Variants in AGBL4 observed in about 807,000 individuals in gnomAD.
AGBL4 encodes cytosolic carboxypeptidase 6.
A neutral mutation model predicts 66.4 loss-of-function variants in AGBL4; 58 were observed. The observed-to-expected ratio is 0.87, with a 90% confidence interval of 0.71 to 1.09. The LOEUF (loss-of-function observed/expected upper bound fraction) is 1.09. AGBL4 is among the 50% of genes least tolerant of loss of function. The probability of loss-of-function intolerance (pLI) is 0.00; values close to 1 mark genes in which losing one functional copy is unlikely to be tolerated. For synonymous variants in AGBL4, 234 were observed against 222.9 expected, an observed-to-expected ratio of 1.05 and a Z score of -0.44; for missense variants, 579 against 631.0, an observed-to-expected ratio of 0.92 and a Z score of 0.88.
intron 5 of AGBL4, among the ~76,000 whole-genome samples, chr1:49,007,764 A>G (rs1031539009): frequency 3.7e-4 from 56 of 151,948 alleles, no homozygotes; most frequent in African/African-American, 1.3e-3. Flanking sequence ...AGAATTTCAT[A>G]TCCAGCCAAA....
chr1:49,825,371 T>A (rs1645482952), intron 2 of AGBL4, among the ~76,000 whole-genome samples: 1 of 152,210 alleles, frequency 6.6e-6, no homozygotes, highest in African/African-American at 2.4e-5. Context: ...ATTTACCAAG[T>A]GCCTACTATG....
intron 3 of AGBL4, among the ~76,000 whole-genome samples, chr1:49,619,704 T>C (rs1412714874): frequency 6.6e-6 from 1 of 152,072 alleles, no homozygotes; most frequent in Non-Finnish European, 1.5e-5. Context: ...GGCATCACAC[T>C]ACCTGACTTC....
chr1:48,797,453 T>A (rs891961041), intron 6 of AGBL4, among the ~76,000 whole-genome samples: 1 of 152,202 alleles, frequency 6.6e-6, no homozygotes, highest in African/African-American at 2.4e-5. Context: ...CTCCCACTTA[T>A]AAGTGAGAAC....
At chr1:49,061,420 A>G (rs1293784818) in intron 4 of AGBL4, among the ~76,000 whole-genome samples, 1 of 152,112 alleles carries the variant, frequency 6.6e-6, no homozygotes, top group African/African-American at 2.4e-5. Context: ...CCATGTGAAA[A>G]GTTATAATAA....
chr1:49,207,505 CTTTT>C (rs1188964439), intron 4 of AGBL4, among the ~76,000 whole-genome samples: 4 of 144,890 alleles, frequency 2.8e-5, no homozygotes, highest in Admixed American at 1.4e-4. Context: ...TTCTTTCTTT[CTTTT>C]TCTTTCTTTC....
intron 3 of AGBL4, among the ~76,000 whole-genome samples, chr1:49,345,724 TG>T (rs1424426259): frequency 6.6e-6 from 1 of 152,212 alleles, no homozygotes; most frequent in Non-Finnish European, 1.5e-5. Context: ...AAACAAAATT[TG>T]GGGCATATTT....
chr1:49,160,502 G>A (rs1375457725), intron 4 of AGBL4, among the ~76,000 whole-genome samples: 1 of 152,156 alleles, frequency 6.6e-6, no homozygotes, highest in Non-Finnish European at 1.5e-5. Context: ...ACTGGGAGGT[G>A]TCTCCCAGTC....
intron 2 of AGBL4, among the ~76,000 whole-genome samples, chr1:49,816,394 T>C (rs1475988521): frequency 6.6e-6 from 1 of 152,174 alleles, no homozygotes; most frequent in Admixed American, 6.6e-5. Flanking sequence ...AAGGTCTAGG[T>C]AATGGGCATA....
At chr1:49,220,617 G>T (rs1056047589) in intron 4 of AGBL4, among the ~76,000 whole-genome samples, 1 of 152,104 alleles carries the variant, frequency 6.6e-6, no homozygotes, top group Non-Finnish European at 1.5e-5. Context: ...TCAGAAGAGA[G>T]TCAACTACTC....
intron 2 of AGBL4, among the ~76,000 whole-genome samples, chr1:49,775,610 C>T (rs1213486176): frequency 2.6e-5 from 4 of 151,842 alleles, no homozygotes; most frequent in African/African-American, 9.7e-5. Flanking sequence ...GTTTATTTTG[C>T]CTTAAATTAT....
chr1:49,652,444 A>G (rs1646026927), intron 3 of AGBL4, among the ~76,000 whole-genome samples: 1 of 152,158 alleles, frequency 6.6e-6, no homozygotes, highest in African/African-American at 2.4e-5. Flanking sequence ...GACCCCAAGC[A>G]CATAGCTGTG....
intron 1 of AGBL4, among the ~76,000 whole-genome samples, chr1:49,918,950 A>G (rs1651889995): frequency 6.6e-6 from 1 of 152,200 alleles, no homozygotes; most frequent in African/African-American, 2.4e-5. Context: ...AATAAACATA[A>G]TCCAGCATAT....
chr1:48,572,654 G>T (rs138520287), intron 11 of AGBL4, among the ~76,000 whole-genome samples: 72 of 152,238 alleles, frequency 4.7e-4, no homozygotes, highest in Non-Finnish European at 9.3e-4. Flanking sequence ...CAGGGAAGAG[G>T]AATGCTATGC....
chr1:49,372,886 G>A (rs1644395660), intron 3 of AGBL4, among the ~76,000 whole-genome samples: 1 of 151,916 alleles, frequency 6.6e-6, no homozygotes, highest in Non-Finnish European at 1.5e-5. Context: ...AGCTTCCTGA[G>A]TAGCTGGGAC....
chr1:48,638,604 C>A (rs1017902785), intron 8 of AGBL4, among the ~76,000 whole-genome samples: 2 of 152,220 alleles, frequency 1.3e-5, no homozygotes, highest in Non-Finnish European at 2.9e-5. Context: ...GATTTTCACT[C>A]CCTGCACATG....
At chr1:48,964,751 A>C (rs1304564091) in intron 5 of AGBL4, among the ~76,000 whole-genome samples, 1 of 152,194 alleles carries the variant, frequency 6.6e-6, no homozygotes, top group African/African-American at 2.4e-5. Flanking sequence ...ATACATACAT[A>C]CATACATACA....
At chr1:49,786,430 ATATCTC>A (rs1644456757) in intron 2 of AGBL4, among the ~76,000 whole-genome samples, 1 of 152,132 alleles carries the variant, frequency 6.6e-6, no homozygotes, top group Non-Finnish European at 1.5e-5. Flanking sequence ...CTGAGTAACA[ATATCTC>A]TGAGCTTCTT....
intron 5 of AGBL4, among the ~76,000 whole-genome samples, chr1:49,004,151 T>C (rs936208837): frequency 7.2e-5 from 11 of 152,224 alleles, no homozygotes; most frequent in Admixed American, 2.0e-4. Flanking sequence ...CACCTTTATA[T>C]GGGATCCTCC....
chr1:48,988,777 T>C (rs1292522424), intron 5 of AGBL4, among the ~76,000 whole-genome samples: 1 of 152,120 alleles, frequency 6.6e-6, no homozygotes, highest in Non-Finnish European at 1.5e-5. Context: ...CCCAGGCATA[T>C]GAATGGGCAG....
Sources: gnomAD v4.1 joint callset for allele counts (sites outside exome capture counted in the v4.1 genomes callset) on GRCh38, gnomAD v4.1.1 for gene constraint, MANE v1.5 for transcripts, NCBI Gene and HGNC (gene_info 2026-07-23, HGNC 2026-07-21) for gene names.